E2F3: variants seen among roughly 807,000 people sequenced by gnomAD.
E2F3 encodes the protein E2F transcription factor 3.
E2F3 carries 11 observed loss-of-function variants against 44.4 expected under a neutral mutation model. The ratio of observed to expected loss-of-function variants is 0.25; its 90% CI spans 0.16 to 0.41. The LOEUF is 0.41. Ranked by LOEUF, E2F3 falls within the 10% of genes least tolerant of loss-of-function variation. E2F3 has a pLI of 1.00. For synonymous variants in E2F3, 249 were observed against 253.0 expected, an observed-to-expected ratio of 0.98 and a Z score of 0.15; for missense variants, 487 against 583.6, an observed-to-expected ratio of 0.83 and a Z score of 1.70.
chr6:20,411,791 C>T (rs1279417911), intron 1 of E2F3, among the ~76,000 whole-genome samples: 1 of 152,352 alleles, frequency 6.6e-6, no homozygotes, highest in East Asian at 1.9e-4. Context: ...CCTCTCCCTT[C>T]CCTTGGGTTA....
intron 1 of E2F3, among the ~76,000 whole-genome samples, chr6:20,456,257 A>C (rs1761305555): frequency 6.6e-6 from 1 of 151,920 alleles, no homozygotes; most frequent in Non-Finnish European, 1.5e-5. Context: ...CAGATGAAGA[A>C]ACCGAGACCC....
chr6:20,473,851 C>G (rs953020806), intron 1 of E2F3, among the ~76,000 whole-genome samples: 1 of 152,174 alleles, frequency 6.6e-6, no homozygotes, highest in African/African-American at 2.4e-5. Context: ...CATCTTTACC[C>G]CAGACACTTG....
intron 1 of E2F3, among the ~76,000 whole-genome samples, chr6:20,406,357 G>A (rs1203676733): frequency 6.6e-6 from 1 of 152,134 alleles, no homozygotes; most frequent in East Asian, 1.9e-4. Flanking sequence ...TAATGCATGT[G>A]AACTATTTAG....
chr6:20,492,224 G>C lies in E2F3; in HGVS notation c.*1794G>C. The C allele has an allele frequency of 4.4e-6, 1 of 229,532 alleles. No homozygotes were observed. The highest frequency in any genetic ancestry group is 8.6e-6 in the Non-Finnish European group (1 of 115,618). The allele number at this position is 229,532 out of a possible 1,614,324, so 14.2% of individuals were successfully genotyped here. ...CAGGTAGATTTCCACAATATGCAAA[G>C]TGGTGGTGGGGTCAAGACAGATGAC... On this transcript the variant is annotated 3_prime_UTR_variant, in exon 7 of 7. Coordinates refer to ENST00000346618, the MANE Select transcript of E2F3 (RefSeq NM_001949.5).
At chr6:20,445,572 A>G (rs1157111505) in intron 1 of E2F3, among the ~76,000 whole-genome samples, 1 of 152,156 alleles carries the variant, frequency 6.6e-6, no homozygotes, top group Non-Finnish European at 1.5e-5. Flanking sequence ...ATTTGTTTAT[A>G]AAACAGTGGT....
intron 1 of E2F3, among the ~76,000 whole-genome samples, chr6:20,420,160 A>T (rs919385598): frequency 6.6e-6 from 1 of 152,162 alleles, no homozygotes; most frequent in African/African-American, 2.4e-5. Flanking sequence ...CTACTGACTA[A>T]TGTTTATTGA....
chr6:20,451,923 G>A (rs1004674978), intron 1 of E2F3, among the ~76,000 whole-genome samples: 1 of 152,174 alleles, frequency 6.6e-6, no homozygotes, highest in Non-Finnish European at 1.5e-5. Flanking sequence ...TGATCATGAT[G>A]GGTAAGCTTT....
intron 1 of E2F3, among the ~76,000 whole-genome samples, chr6:20,463,632 AG>A (rs1761601007): frequency 6.6e-6 from 1 of 152,206 alleles, no homozygotes; most frequent in South Asian, 2.1e-4. Flanking sequence ...GAGAATATAG[AG>A]GAACTAAAAA....
At chr6:20,441,445 G>A (rs1010445688) in intron 1 of E2F3, among the ~76,000 whole-genome samples, 9 of 152,056 alleles carry the variant, frequency 5.9e-5, no homozygotes, top group South Asian at 2.1e-4. Flanking sequence ...CTTGGCTATC[G>A]TGAATAATGA....
At chr6:20,444,614 G>C (rs565250369) in intron 1 of E2F3, among the ~76,000 whole-genome samples, 3 of 152,062 alleles carry the variant, frequency 2.0e-5, no homozygotes, top group Non-Finnish European at 4.4e-5. Context: ...GCTGTGTCTA[G>C]AAGAAAATGA....
chr6:20,476,398 AAGG>A (rs774053934), intron 1 of E2F3, among the ~76,000 whole-genome samples: 8 of 152,140 alleles, frequency 5.3e-5, no homozygotes, highest in Non-Finnish European at 1.0e-4. Context: ...TTTAAGCAAA[AAGG>A]AGAGTTTATT....
At chr6:20,461,088 A>C (rs535485974) in intron 1 of E2F3, among the ~76,000 whole-genome samples, 1 of 150,858 alleles carries the variant, frequency 6.6e-6, no homozygotes, top group Non-Finnish European at 1.5e-5. Context: ...ACTAAGTCTC[A>C]TGCCCATTCT....
At chr6:20,410,457 T>C (rs1759635216) in intron 1 of E2F3, among the ~76,000 whole-genome samples, 1 of 152,216 alleles carries the variant, frequency 6.6e-6, no homozygotes, top group Admixed American at 6.5e-5. Flanking sequence ...GGAATGATAG[T>C]ACCTACCTTA....
At chr6:20,462,486 C>A (rs907407238) in intron 1 of E2F3, among the ~76,000 whole-genome samples, 5 of 148,672 alleles carry the variant, frequency 3.4e-5, no homozygotes, top group African/African-American at 1.2e-4. Flanking sequence ...GAGACAGAGT[C>A]TCACTCTGTC....
At chr6:20,456,252 G>A (rs1023720070) in intron 1 of E2F3, among the ~76,000 whole-genome samples, 1 of 150,838 alleles carries the variant, frequency 6.6e-6, no homozygotes. Flanking sequence ...TTGTACAGAT[G>A]AAGAAACCGA....
chr6:20,416,436 T>C (rs533332511), intron 1 of E2F3, among the ~76,000 whole-genome samples: 1 of 152,362 alleles, frequency 6.6e-6, no homozygotes, highest in East Asian at 1.9e-4. Flanking sequence ...GTGTGGTTTG[T>C]GTCATAGTTG....
chr6:20,490,247 C>T lies in E2F3; in HGVS notation c.1215C>T (p.Asn405=). Residue 405 remains asparagine (N), a synonymous_variant, in exon 7 of 7, where the codon AAC becomes AAT. Transcript: ENST00000346618. This position sits in a 1 kb window ranked among gnomAD's most constrained non-coding sequence, Gnocchi z 4.3. ...TTTCTCCTCTGGCCTCCCCAGCCAA[C>T]CTCTTACAGCAGACTGAGGACCAAA... ...GNLSPLASPA[N]LLQQTEDQIP... is the part of the protein sequence containing the mutation. The T allele has an allele frequency of 6.2e-7, 1 of 1,614,144 alleles. No homozygotes were observed. Among genetic ancestry groups the T allele is most frequent in the Non-Finnish European group, 8.5e-7 (1 of 1,180,014 alleles).
rs1236834203 is a variant in E2F3 at position 20,488,561 on chromosome 6, C to T, written c.1135+313C>T. 3.9e-5 allele frequency among the ~76,000 whole-genome samples: 6 copies of T among 152,250 alleles called. No homozygotes were observed. The East Asian group carries it at 1.2e-3, about 29-fold the overall frequency. On this transcript the variant is annotated intron_variant, in intron 6 of 6. Transcript: ENST00000346618. ...TTGTTGGATCATCAGAGACACTTGGCCACACACCTTTGAATCACACTGCAG... is the reference window on the plus strand; with the variant it reads ...TTGTTGGATCATCAGAGACACTTGGTCACACACCTTTGAATCACACTGCAG...
Position 20,479,881 on chromosome 6 carries a change from T to C in E2F3, c.429T>C (p.His143=). 6 of 1,612,890 alleles carry C rather than the reference T, an allele frequency of 3.7e-6. No homozygotes were observed. Among genetic ancestry groups the C allele is most frequent in the Non-Finnish European group, 5.1e-6 (6 of 1,179,528 alleles). The change falls in exon 2 of 7, where the codon CAT becomes CAC. Residue 143 remains histidine (H), a synonymous_variant. Coordinates refer to ENST00000346618, the MANE Select transcript of E2F3 (RefSeq NM_001949.5). ...KRRLELGESG[H]QYLSDGLKTP... Reference sequence around the variant, plus strand: ...GGCTGGAGCTAGGAGAAAGCGGTCATCAGTACCTCTCAGATGGTTTAAAAA... The same window carrying C: ...GGCTGGAGCTAGGAGAAAGCGGTCACCAGTACCTCTCAGATGGTTTAAAAA...
Sources: allele counts gnomAD v4.1 joint callset (sites outside exome capture counted in the v4.1 genomes callset), GRCh38; gene constraint gnomAD v4.1.1; non-coding constraint Gnocchi (gnomAD v3.1); transcripts MANE v1.5; gene names NCBI Gene and HGNC (gene_info 2026-07-23, HGNC 2026-07-21).